Variants in TAS2R1 observed in about 807,000 individuals in gnomAD.
TAS2R1 encodes the protein taste receptor type 2 member 1.
For synonymous variants in TAS2R1, 141 were observed against 134.2 expected, an observed-to-expected ratio of 1.05 and a Z score of -0.35; for missense variants, 370 against 353.4, an observed-to-expected ratio of 1.05 and a Z score of -0.38.
chr5:9,655,967 T>A (rs1204188351), intron 2 of TAS2R1, among the ~76,000 whole-genome samples: 1 of 151,986 alleles, frequency 6.6e-6, no homozygotes, highest in African/African-American at 2.4e-5. Flanking sequence ...GGACACCACT[T>A]CTCAGGTAGC....
the TAS2R1 span, among the ~76,000 whole-genome samples, chr5:9,725,805 G>A: frequency 6.6e-6 from 1 of 152,244 alleles, no homozygotes; most frequent in Non-Finnish European, 1.5e-5. Flanking sequence ...GTCTGGTGGG[G>A]ACGTGGAGAA....
the TAS2R1 span, among the ~76,000 whole-genome samples, chr5:9,865,633 T>G: frequency 1.3e-5 from 2 of 152,236 alleles, no homozygotes; most frequent in Non-Finnish European, 2.9e-5. Context: ...TTTCTTTTAT[T>G]TCCACTTTGC....
At chr5:9,778,428 G>A in the TAS2R1 span, among the ~76,000 whole-genome samples, 1 of 152,128 alleles carries the variant, frequency 6.6e-6, no homozygotes, top group African/African-American at 2.4e-5. Context: ...AGCTGCATTA[G>A]CCCCTAACAA....
the TAS2R1 span, among the ~76,000 whole-genome samples, chr5:9,772,889 T>C: frequency 1.7e-4 from 26 of 152,110 alleles, no homozygotes; most frequent in African/African-American, 6.0e-4. Flanking sequence ...GTGTTCTTTA[T>C]AGATGAAGTG....
chr5:9,891,143 TA>T, the TAS2R1 span, among the ~76,000 whole-genome samples: 1 of 152,162 alleles, frequency 6.6e-6, no homozygotes. Context: ...CATAATTATC[TA>T]AAAAGAAAGC....
At chr5:9,749,617 G>A in the TAS2R1 span, among the ~76,000 whole-genome samples, 5 of 152,194 alleles carry the variant, frequency 3.3e-5, no homozygotes, top group African/African-American at 1.2e-4. Flanking sequence ...GAATGTGGGA[G>A]ATGCTTTCCA....
the TAS2R1 span, among the ~76,000 whole-genome samples, chr5:9,814,401 G>C: frequency 6.6e-6 from 1 of 152,088 alleles, no homozygotes; most frequent in African/African-American, 2.4e-5. Flanking sequence ...GGAATATCTA[G>C]AGTAAAAAAT....
At chr5:9,790,944 AAAT>A in the TAS2R1 span, among the ~76,000 whole-genome samples, 1 of 152,076 alleles carries the variant, frequency 6.6e-6, no homozygotes, top group Non-Finnish European at 1.5e-5. Flanking sequence ...CTGGCCTATA[AAAT>A]AATATTTGTT....
chr5:9,806,827 T>C, the TAS2R1 span, among the ~76,000 whole-genome samples: 6 of 152,178 alleles, frequency 3.9e-5, no homozygotes, highest in East Asian at 1.2e-3. Context: ...AAAACTCTTC[T>C]AGACATTGGC....
At chr5:9,654,493 G>A (rs376433360) in intron 2 of TAS2R1, among the ~76,000 whole-genome samples, 2 of 152,110 alleles carry the variant, frequency 1.3e-5, no homozygotes, top group South Asian at 2.1e-4. Flanking sequence ...AGAATAAAGA[G>A]TGACTTTCAC....
upstream of TAS2R1, among the ~76,000 whole-genome samples, chr5:9,633,319 T>TATATATATATAGATATATAC (rs1475834697): frequency 7.3e-6 from 1 of 137,482 alleles, no homozygotes; most frequent in African/African-American, 3.0e-5. Context: ...TATATATATA[T>TATATATATATAGATATATAC]ACACAAATGT....
chr5:9,637,603 T>C (rs1354214067), intron 2 of TAS2R1, among the ~76,000 whole-genome samples: 1 of 152,186 alleles, frequency 6.6e-6, no homozygotes, highest in Non-Finnish European at 1.5e-5. Flanking sequence ...CCCAAATTTC[T>C]TGGAAGCTTT....
the TAS2R1 span, among the ~76,000 whole-genome samples, chr5:9,829,079 C>T: frequency 6.6e-6 from 1 of 152,130 alleles, no homozygotes; most frequent in Non-Finnish European, 1.5e-5. Flanking sequence ...GATAAAGAAC[C>T]TCAGCTGTGT....
At chr5:9,818,901 G>C in the TAS2R1 span, among the ~76,000 whole-genome samples, 1 of 152,156 alleles carries the variant, frequency 6.6e-6, no homozygotes, top group Admixed American at 6.5e-5. Context: ...AAACACAAAA[G>C]AAAGAAACAT....
chr5:9,851,286 C>T, the TAS2R1 span, among the ~76,000 whole-genome samples: 28 of 152,260 alleles, frequency 1.8e-4, no homozygotes, highest in East Asian at 5.0e-3. Flanking sequence ...AGGTTGTCTT[C>T]ATTGTCTGAA....
At chr5:9,719,888 A>C in the TAS2R1 span, among the ~76,000 whole-genome samples, 1 of 142,342 alleles carries the variant, frequency 7.0e-6, no homozygotes, top group Non-Finnish European at 1.5e-5. Flanking sequence ...ACTGCACTCC[A>C]GCCTGGGCGA....
the TAS2R1 span, among the ~76,000 whole-genome samples, chr5:9,864,685 G>GA: frequency 6.7e-6 from 1 of 149,246 alleles, no homozygotes; most frequent in Admixed American, 6.6e-5. Flanking sequence ...TACTTCATAT[G>GA]ATGATAGAGT....
At chr5:9,894,296 C>T in the TAS2R1 span, among the ~76,000 whole-genome samples, 1 of 152,088 alleles carries the variant, frequency 6.6e-6, no homozygotes, top group African/African-American at 2.4e-5. Flanking sequence ...CCCAGCTACT[C>T]GGGAGGCTGA....
the TAS2R1 span, among the ~76,000 whole-genome samples, chr5:9,741,996 A>G: frequency 6.6e-6 from 1 of 152,146 alleles, no homozygotes; most frequent in Non-Finnish European, 1.5e-5. Context: ...CCTGGGGTCA[A>G]GAGATTCTCC....
Sources: gnomAD v4.1 joint callset for allele counts (sites outside exome capture counted in the v4.1 genomes callset) on GRCh38, gnomAD v4.1.1 for gene constraint, MANE v1.5 for transcripts, NCBI Gene and HGNC (gene_info 2026-07-23, HGNC 2026-07-21) for gene names.